The following WBP1L variants were observed in gnomAD, a reference collection of about 807,000 sequenced individuals.
WBP1L encodes the protein WW domain binding protein 1 like, also known as WW domain binding protein 1-like.
In WBP1L, 17 loss-of-function variants were observed where a neutral mutation model predicts 33.7. That is an observed-to-expected ratio of 0.50 (90% CI 0.34 to 0.76). The LOEUF (loss-of-function observed/expected upper bound fraction) is 0.76. Ranked by LOEUF, WBP1L falls within the 30% of genes least tolerant of loss-of-function variation. The pLI, the probability that WBP1L is intolerant of heterozygous loss-of-function variation, is 0.01. For missense variants in WBP1L, 389 were observed against 469.4 expected (o/e 0.83, Z 1.58); for synonymous variants, 173 against 190.8 (o/e 0.91, Z 0.77).
At chr10:102,802,299 G>A (rs1843669200) in intron 2 of WBP1L, among the ~76,000 whole-genome samples, 1 of 149,646 alleles carries the variant, frequency 6.7e-6, no homozygotes, top group African/African-American at 2.5e-5. Context: ...GTGCCACCAT[G>A]CCCATCTAAT....
intron 2 of WBP1L, among the ~76,000 whole-genome samples, chr10:102,807,862 T>G (rs1319453127): frequency 6.9e-6 from 1 of 145,888 alleles, no homozygotes; most frequent in Non-Finnish European, 1.5e-5. Context: ...AATTATTGAT[T>G]AAAAAAAAAA....
At chr10:102,752,393 G>A (rs1842932793) in intron 1 of WBP1L, among the ~76,000 whole-genome samples, 1 of 152,154 alleles carries the variant, frequency 6.6e-6, no homozygotes, top group Non-Finnish European at 1.5e-5. Flanking sequence ...GGGACTTGAA[G>A]CTTTGATATG....
chr10:102,784,421 C>CTTTTTTTTTTTTT (rs35898015), intron 1 of WBP1L, among the ~76,000 whole-genome samples: 1 of 97,846 alleles, frequency 1.0e-5, no homozygotes, highest in Non-Finnish European at 2.1e-5. Flanking sequence ...GTTCTTGTTT[C>CTTTTTTTTTTTTT]TTTTTTTTTT....
intron 1 of WBP1L, among the ~76,000 whole-genome samples, chr10:102,770,016 C>A (rs938920201): frequency 3.3e-5 from 5 of 152,194 alleles, no homozygotes; most frequent in Admixed American, 2.6e-4. Flanking sequence ...CTTTGTCCAG[C>A]CCCAGGACAT....
At chr10:102,783,691 T>C (rs892207460) in intron 1 of WBP1L, among the ~76,000 whole-genome samples, 2 of 152,078 alleles carry the variant, frequency 1.3e-5, no homozygotes, top group Non-Finnish European at 2.9e-5. Context: ...GCTAGGGGAG[T>C]AGGAAGTTGC....
chr10:102,808,052 G>C (rs1479739940), intron 2 of WBP1L, among the ~76,000 whole-genome samples: 1 of 152,102 alleles, frequency 6.6e-6, no homozygotes, highest in South Asian at 2.1e-4. Flanking sequence ...GGTGGCATAT[G>C]CTTGTAGTCC....
At chr10:102,805,709 A>C (rs906476576) in intron 2 of WBP1L, among the ~76,000 whole-genome samples, 1 of 151,222 alleles carries the variant, frequency 6.6e-6, no homozygotes, top group African/African-American at 2.4e-5. Flanking sequence ...CAGCCTGGGC[A>C]ACCTTGTGAG....
intron 1 of WBP1L, among the ~76,000 whole-genome samples, chr10:102,782,163 T>C (rs1449187081): frequency 6.8e-6 from 1 of 148,140 alleles, no homozygotes; most frequent in East Asian, 2.0e-4. Context: ...CAACTGTGCC[T>C]GGCCTCGGGT....
intron 1 of WBP1L, among the ~76,000 whole-genome samples, chr10:102,790,177 G>T (rs1466705851): frequency 6.6e-6 from 1 of 151,886 alleles, no homozygotes; most frequent in Non-Finnish European, 1.5e-5. Context: ...GCACTTTGAT[G>T]GTAATTTTCT....
chr10:102,793,257 A>G (rs1168198155), intron 1 of WBP1L, among the ~76,000 whole-genome samples: 1 of 152,180 alleles, frequency 6.6e-6, no homozygotes, highest in Non-Finnish European at 1.5e-5. Flanking sequence ...CCTGAGCAAC[A>G]TAGTGAGACC....
At chr10:102,801,096 A>C (rs1843651016) in intron 2 of WBP1L, among the ~76,000 whole-genome samples, 1 of 152,186 alleles carries the variant, frequency 6.6e-6, no homozygotes, top group African/African-American at 2.4e-5. Context: ...ACAAGCACAC[A>C]TAGACCTGAG....
At chr10:102,774,495 A>G (rs908347903) in intron 1 of WBP1L, among the ~76,000 whole-genome samples, 1 of 152,086 alleles carries the variant, frequency 6.6e-6, no homozygotes, top group Non-Finnish European at 1.5e-5. Context: ...TGGCACATTC[A>G]TTTTCTTGTC....
chr10:102,744,488 T>G (rs1842840254), intron 1 of WBP1L: 1 of 985,168 alleles, frequency 1.0e-6, no homozygotes, highest in African/African-American at 1.7e-5. Flanking sequence ...CAGGCAGTAA[T>G]GCAGTATGTA....
At chr10:102,792,663 C>G (rs983323309) in intron 1 of WBP1L, among the ~76,000 whole-genome samples, 21 of 145,034 alleles carry the variant, frequency 1.4e-4, no homozygotes, top group Non-Finnish European at 3.0e-4. Flanking sequence ...GGTGCGATCT[C>G]AGCTCACCAC....
At chr10:102,754,879 T>A (rs1405153221) in intron 1 of WBP1L, among the ~76,000 whole-genome samples, 2 of 79,542 alleles carry the variant, frequency 2.5e-5, no homozygotes, top group African/African-American at 8.5e-5. Flanking sequence ...TAATTTTGTT[T>A]TATTTATTTA....
At chr10:102,801,528 G>A (rs991311427) in intron 2 of WBP1L, among the ~76,000 whole-genome samples, 10 of 152,170 alleles carry the variant, frequency 6.6e-5, no homozygotes, top group African/African-American at 2.2e-4. Flanking sequence ...CCTTCAGAAG[G>A]TAATCCAGCG....
chr10:102,803,308 TGCTTGA>T (rs1791151577), intron 2 of WBP1L, among the ~76,000 whole-genome samples: 1 of 152,214 alleles, frequency 6.6e-6, no homozygotes, highest in African/African-American at 2.4e-5. Flanking sequence ...ACTTACAGTA[TGCTTGA>T]GCCTCCTAAT....
chr10:102,810,079 C>A, intron 3 of WBP1L, 25 bp downstream of exon 3: 1 of 1,589,318 alleles, frequency 6.3e-7, no homozygotes. Context: ...GCCCCCATAC[C>A]CACCCTCAGG....
At chr10:102,761,950 C>A (rs1843047477) in intron 1 of WBP1L, among the ~76,000 whole-genome samples, 1 of 152,136 alleles carries the variant, frequency 6.6e-6, no homozygotes, top group South Asian at 2.1e-4. Flanking sequence ...TGAGCTCAAG[C>A]AATCCCCCTA....
Sources: allele counts gnomAD v4.1 joint callset (sites outside exome capture counted in the v4.1 genomes callset), GRCh38; gene constraint gnomAD v4.1.1; transcripts MANE v1.5; gene names NCBI Gene and HGNC (gene_info 2026-07-23, HGNC 2026-07-21).